AKAP6: variants seen among roughly 807,000 people sequenced by gnomAD.
The protein encoded by AKAP6 is A-kinase anchoring protein 6.
In AKAP6, 58 loss-of-function variants were observed where a neutral mutation model predicts 188.5. The observed-to-expected ratio is 0.31, with a 90% CI of 0.25 to 0.38. The LOEUF is 0.38. Among genes scored for constraint, AKAP6 ranks in the 10% least tolerant of loss-of-function variants. The pLI, the probability that AKAP6 is intolerant of heterozygous loss-of-function variation, is 1.00. For missense variants in AKAP6, 2,710 were observed against 2,740.0 expected, an observed-to-expected ratio of 0.99 and a Z score of 0.24; for synonymous variants, 989 against 998.6, an observed-to-expected ratio of 0.99 and a Z score of 0.18.
At chr14:32,471,722 C>T (rs1878796018) in intron 2 of AKAP6, among the ~76,000 whole-genome samples, 1 of 152,208 alleles carries the variant, frequency 6.6e-6, no homozygotes, top group Non-Finnish European at 1.5e-5. Context: ...CATGTACCTC[C>T]ATCCATGGTA....
At chr14:32,679,612 C>A (rs1439807535) in intron 8 of AKAP6, among the ~76,000 whole-genome samples, 2 of 152,012 alleles carry the variant, frequency 1.3e-5, no homozygotes, top group Non-Finnish European at 2.9e-5. Context: ...ATGAAAAATT[C>A]TTTCTTATTG....
Position 32,578,511 on chromosome 14 carries a change from CT to C in AKAP6, c.2469+1277del, listed in dbSNP as rs560914078. ...ATTTCCCTGTTGAGTAGAGTTTCAA[CT>C]TTTTTTTAAAGAGGGCATTTCATAA... On this transcript the variant is annotated intron_variant, in intron 5 of 13. Coordinates refer to ENST00000280979, the MANE Select transcript of AKAP6 (RefSeq NM_004274.5). Among the ~76,000 whole-genome samples, 423 of 151,976 alleles carry C rather than the reference CT, an allele frequency of 2.8e-3. 1 individual carries two copies. Among genetic ancestry groups the C allele is most frequent in the African/African-American group, 9.7e-3 (401 of 41,460 alleles).
intron 4 of AKAP6, among the ~76,000 whole-genome samples, chr14:32,551,216 C>T (rs186411191): frequency 6.6e-6 from 1 of 152,102 alleles, no homozygotes. Flanking sequence ...ATTCCTTCAC[C>T]TGTTCCAAGT....
intron 1 of AKAP6, among the ~76,000 whole-genome samples, chr14:32,380,271 C>T (rs886836535): frequency 6.6e-6 from 1 of 152,178 alleles, no homozygotes; most frequent in Non-Finnish European, 1.5e-5. Flanking sequence ...CAGGCAGTAA[C>T]TTCCCCTTTT....
At chr14:32,640,813 A>G (rs1174653437) in intron 7 of AKAP6, among the ~76,000 whole-genome samples, 2 of 152,192 alleles carry the variant, frequency 1.3e-5, no homozygotes, top group Non-Finnish European at 2.9e-5. Context: ...AATACTACTG[A>G]GAATCTGTGT....
intron 2 of AKAP6, among the ~76,000 whole-genome samples, chr14:32,435,709 A>G (rs1401560293): frequency 6.6e-6 from 1 of 152,182 alleles, no homozygotes; most frequent in Non-Finnish European, 1.5e-5. Context: ...AAATTGTCCT[A>G]TGTTCATTTT....
At chr14:32,612,634 C>T (rs1190874808) in intron 7 of AKAP6, among the ~76,000 whole-genome samples, 1 of 151,984 alleles carries the variant, frequency 6.6e-6, no homozygotes, top group Admixed American at 6.6e-5. Context: ...GGCATTTGTA[C>T]CTTAAATATG....
rs1340801397 is a variant in AKAP6 at position 32,510,460 on chromosome 14, GTGTATA to G, written c.325-25092_325-25087del. Among the ~76,000 whole-genome samples, 48 of 46,938 alleles carry G rather than the reference GTGTATA, an allele frequency of 1.0e-3. 1 individual carries two copies. Among genetic ancestry groups the G allele is most frequent in the African/African-American group, 4.1e-3 (46 of 11,228 alleles). 30.8% of individuals were successfully genotyped at this position (46,938 alleles called of 152,430 possible). Reference sequence around the variant, plus strand: ...TGTGTATATATATATACATATATATGTGTATATATATATATACATATATATATGTGT... The same window carrying G: ...TGTGTATATATATATACATATATATGTATATATATACATATATATATGTGT... On this transcript the variant is annotated intron_variant, in intron 2 of 13. Coordinates refer to ENST00000280979, the MANE Select transcript of AKAP6 (RefSeq NM_004274.5).
intron 2 of AKAP6, among the ~76,000 whole-genome samples, chr14:32,526,482 C>G (rs28444599): frequency 6.6e-6 from 1 of 152,188 alleles, no homozygotes; most frequent in African/African-American, 2.4e-5. Flanking sequence ...ATCCGCCCAC[C>G]TTAGCCCCCA....
chr14:32,758,550 A>G (rs1313406191), intron 11 of AKAP6, among the ~76,000 whole-genome samples: 1 of 152,186 alleles, frequency 6.6e-6, no homozygotes, highest in African/African-American at 2.4e-5. Flanking sequence ...CCTGACCAAC[A>G]TGGAGAAACC....
intron 2 of AKAP6, among the ~76,000 whole-genome samples, chr14:32,521,178 G>T (rs1461440367): frequency 6.6e-6 from 1 of 152,032 alleles, no homozygotes; most frequent in African/African-American, 2.4e-5. Context: ...GTATTGATGG[G>T]ATGTATCTCA....
intron 4 of AKAP6, among the ~76,000 whole-genome samples, chr14:32,563,925 A>G (rs936667449): frequency 9.9e-5 from 15 of 152,216 alleles, no homozygotes; most frequent in African/African-American, 3.6e-4. Flanking sequence ...TGAATAATAT[A>G]TACTTATTTA....
intron 11 of AKAP6, among the ~76,000 whole-genome samples, chr14:32,754,814 A>G (rs1443982402): frequency 1.3e-5 from 2 of 152,168 alleles, no homozygotes; most frequent in African/African-American, 4.8e-5. Flanking sequence ...AGCACTTTGA[A>G]TATATCTTCC....
chr14:32,774,383 C>T (rs1331970749), intron 12 of AKAP6, among the ~76,000 whole-genome samples: 2 of 152,182 alleles, frequency 1.3e-5, no homozygotes, highest in African/African-American at 2.4e-5. Context: ...CATGAGTTAA[C>T]ATCATCTATT....
At chr14:32,423,498 A>G (rs536368020) in intron 1 of AKAP6, among the ~76,000 whole-genome samples, 65 of 152,182 alleles carry the variant, frequency 4.3e-4, no homozygotes, top group Admixed American at 1.0e-3. Flanking sequence ...TTTTATTAAC[A>G]ACTTTTTTGT....
intron 5 of AKAP6, among the ~76,000 whole-genome samples, chr14:32,595,388 G>A (rs929164722): frequency 5.3e-5 from 8 of 152,082 alleles, no homozygotes; most frequent in South Asian, 2.1e-4. Context: ...CTTCAGGCCC[G>A]TGTACAAATC....
intron 3 of AKAP6, among the ~76,000 whole-genome samples, chr14:32,538,131 A>G (rs1882768662): frequency 6.6e-6 from 1 of 152,200 alleles, no homozygotes; most frequent in African/African-American, 2.4e-5. Flanking sequence ...ATACTTCCTG[A>G]AATTAGATTT....
In AKAP6 at chr14:32,822,485, C is replaced by A; in HGVS notation, c.4672C>A (p.Gln1558Lys). The change falls in exon 13 of 14, where the codon CAG becomes AAG. Residue 1558 changes from glutamine (Q) to lysine (K), a missense_variant. Coordinates refer to ENST00000280979, the MANE Select transcript of AKAP6 (RefSeq NM_004274.5). ...KTFTGMQNAK[Q>K]LSLLSHSSSI... ...ATTCACTGGCATGCAGAATGCCAAA[C>A]AGCTCTCCCTTTTATCTCATAGTTC... is the stretch of plus-strand genomic sequence containing the variant. The A allele has an allele frequency of 6.2e-7, 1 of 1,614,044 alleles. No individual in the cohort carries two copies. The highest frequency in any genetic ancestry group is 2.2e-5 in the East Asian group (1 of 44,870).
At chr14:32,732,193 A>G (rs961886266) in intron 9 of AKAP6, among the ~76,000 whole-genome samples, 4 of 152,050 alleles carry the variant, frequency 2.6e-5, no homozygotes, top group African/African-American at 9.7e-5. Context: ...AGAATATTTT[A>G]AAGATCAAAT....
Sources: gnomAD v4.1 joint callset for allele counts (sites outside exome capture counted in the v4.1 genomes callset) on GRCh38, gnomAD v4.1.1 for gene constraint, MANE v1.5 for transcripts, NCBI Gene and HGNC (gene_info 2026-07-23, HGNC 2026-07-21) for gene names.